The following MRTFB variants were observed in gnomAD, a reference collection of about 807,000 sequenced individuals.
MRTFB encodes myocardin related transcription factor B.
Under a neutral mutation model 104.2 loss-of-function variants are expected in MRTFB, and 29 were observed. The ratio of observed to expected loss-of-function variants is 0.28; its 90% CI spans 0.21 to 0.38. The LOEUF (loss-of-function observed/expected upper bound fraction) is 0.38. Ranked by LOEUF, MRTFB falls within the 10% of genes least tolerant of loss-of-function variation. The pLI, the probability that MRTFB is intolerant of heterozygous loss-of-function variation, is 1.00. For synonymous variants in MRTFB, 535 were observed against 519.5 expected (o/e 1.03, Z -0.41); for missense variants, 1,270 against 1,341.6 (o/e 0.95, Z 0.83).
intron 1 of MRTFB, among the ~76,000 whole-genome samples, chr16:14,075,268 C>G (rs934500899): frequency 1.3e-5 from 2 of 152,212 alleles, no homozygotes; most frequent in Non-Finnish European, 2.9e-5. Context: ...AACTCAATCA[C>G]GTGAAGACCC....
At chr16:14,250,331 G>A (rs1158885018) in intron 13 of MRTFB, among the ~76,000 whole-genome samples, 1 of 152,176 alleles carries the variant, frequency 6.6e-6, no homozygotes, top group Non-Finnish European at 1.5e-5. Context: ...AACGTGTTAA[G>A]TATTTTTGAG....
upstream of MRTFB, among the ~76,000 whole-genome samples, chr16:14,070,433 A>T (rs1225477556): frequency 6.6e-6 from 1 of 152,196 alleles, no homozygotes; most frequent in Non-Finnish European, 1.5e-5. Flanking sequence ...CATCATGTAC[A>T]TTCTGATTCT....
chr16:14,262,769 G>T lies in MRTFB; in HGVS notation c.*1325G>T, dbSNP rs1446604497. On this transcript the variant is annotated 3_prime_UTR_variant, in exon 17 of 17. Transcript: ENST00000571589. ...ACAGGATTATTTCAAGCTAGTCATT[G>T]AGGTATATGACAAAATGTAAATAAC... 1 of 152,208 alleles carries T rather than the reference G, an allele frequency of 6.6e-6. No individual in the cohort carries two copies. Among genetic ancestry groups the T allele is most frequent in the African/African-American group, 2.4e-5 (1 of 41,442 alleles). 9.4% of individuals were successfully genotyped at this position (152,208 alleles called of 1,614,324 possible).
At chr16:14,155,260 T>C (rs912250323) in intron 3 of MRTFB, among the ~76,000 whole-genome samples, 2 of 152,200 alleles carry the variant, frequency 1.3e-5, no homozygotes, top group African/African-American at 4.8e-5. Flanking sequence ...ATGCTGTTAA[T>C]CCCACCCAAT....
the MRTFB span, among the ~76,000 whole-genome samples, chr16:14,043,455 C>T: frequency 9.2e-5 from 14 of 151,990 alleles, no homozygotes; most frequent in Admixed American, 2.6e-4. Context: ...CTGTGTCTGG[C>T]ATGCACTGTG....
chr16:14,200,829 C>T (rs2040667466), intron 3 of MRTFB: 5 of 1,468,958 alleles, frequency 3.4e-6, no homozygotes, highest in East Asian at 2.3e-5. Flanking sequence ...CGGTGGTTAT[C>T]GTGGGTGTGG....
chr16:14,029,445 TACAC>T, the MRTFB span, among the ~76,000 whole-genome samples: 1 of 85,954 alleles, frequency 1.2e-5, no homozygotes, highest in Non-Finnish European at 2.3e-5. Context: ...TATATATATA[TACAC>T]ACACACACAC....
At chr16:14,139,926 G>T (rs1336747205) in intron 2 of MRTFB, among the ~76,000 whole-genome samples, 1 of 152,166 alleles carries the variant, frequency 6.6e-6, no homozygotes, top group African/African-American at 2.4e-5. Context: ...TAGAATTTTT[G>T]TTGTATCTTT....
chr16:14,248,785 C>A, intron 12 of MRTFB, 141 bp from the exon 13 acceptor site: 1 of 761,056 alleles, frequency 1.3e-6, no homozygotes, highest in Non-Finnish European at 2.0e-6. Context: ...GATTTCTGTG[C>A]AGATGAAGTG....
intron 8 of MRTFB, among the ~76,000 whole-genome samples, chr16:14,229,889 C>A (rs2042179931): frequency 6.6e-6 from 1 of 152,044 alleles, no homozygotes; most frequent in Non-Finnish European, 1.5e-5. Flanking sequence ...TCCAATAAGA[C>A]AAAGCAAAGT....
At chr16:14,210,347 G>A in intron 4 of MRTFB, 39 bp downstream of exon 4, 2 of 1,526,948 alleles carry the variant, frequency 1.3e-6, no homozygotes, top group East Asian at 2.3e-5. Flanking sequence ...TAACGTGACA[G>A]AACATGACGG....
chr16:14,225,439 C>G (rs535375823), intron 8 of MRTFB, among the ~76,000 whole-genome samples: 1 of 152,090 alleles, frequency 6.6e-6, no homozygotes, highest in African/African-American at 2.4e-5. Context: ...GATAGAATGT[C>G]GTAATTCTAA....
intron 3 of MRTFB, among the ~76,000 whole-genome samples, chr16:14,168,218 TGTG>T (rs1394953626): frequency 2.2e-5 from 2 of 89,826 alleles, no homozygotes; most frequent in Admixed American, 2.0e-4. Flanking sequence ...AAAGATAAAA[TGTG>T]TGTGTGTGTG....
the MRTFB span, chr16:14,020,396 A>G: frequency 1.3e-5 from 2 of 152,288 alleles, no homozygotes; most frequent in African/African-American, 4.8e-5. Flanking sequence ...TGTTTCACCC[A>G]TTGTTGTGGC....
chr16:14,232,782 T>C (rs1291425265), intron 8 of MRTFB, among the ~76,000 whole-genome samples: 1 of 152,224 alleles, frequency 6.6e-6, no homozygotes, highest in Non-Finnish European at 1.5e-5. Flanking sequence ...AGTTAACTAG[T>C]ATGTGCCAAG....
intron 10 of MRTFB, among the ~76,000 whole-genome samples, chr16:14,243,733 C>G (rs966965382): frequency 6.6e-6 from 1 of 152,012 alleles, no homozygotes; most frequent in African/African-American, 2.4e-5. Context: ...AAAATTGATG[C>G]AAAAATAAAT....
At chr16:14,128,921 C>T (rs1357501025) in intron 2 of MRTFB, among the ~76,000 whole-genome samples, 2 of 152,202 alleles carry the variant, frequency 1.3e-5, no homozygotes, top group Admixed American at 1.3e-4. Context: ...GTTCCATCAC[C>T]CAAAAATCTC....
chr16:14,116,062 C>G (rs550286391), intron 2 of MRTFB, among the ~76,000 whole-genome samples: 1 of 152,318 alleles, frequency 6.6e-6, no homozygotes, highest in South Asian at 2.1e-4. Flanking sequence ...TCATTGGCTT[C>G]TTACTGCTCT....
chr16:14,154,464 C>T (rs767753180), intron 3 of MRTFB, among the ~76,000 whole-genome samples: 1 of 152,186 alleles, frequency 6.6e-6, no homozygotes, highest in Non-Finnish European at 1.5e-5. Context: ...TGTAGTCTGA[C>T]AATCTCTTAC....
Sources: allele counts gnomAD v4.1 joint callset (sites outside exome capture counted in the v4.1 genomes callset), GRCh38; gene constraint gnomAD v4.1.1; transcripts MANE v1.5; gene names NCBI Gene and HGNC (gene_info 2026-07-23, HGNC 2026-07-21).